F9: variants seen among roughly 807,000 people sequenced by gnomAD.
F9 encodes the protein coagulation factor IX, also known as Christmas factor.
A neutral mutation model predicts 34.1 loss-of-function variants in F9; 2 were observed. The ratio of observed to expected loss-of-function variants is 0.06; its 90% CI spans 0.02 to 0.18. F9 has a LOEUF of 0.18. F9 is among the 10% of genes least tolerant of loss of function. The probability of loss-of-function intolerance (pLI) is 1.00; values close to 1 mark genes in which losing one functional copy is unlikely to be tolerated. For synonymous variants in F9, 137 were observed against 118.8 expected (o/e 1.15, Z -1.00); for missense variants, 216 against 345.1 (o/e 0.63, Z 2.96).
intron 4 of F9, among the ~76,000 whole-genome samples, chrX:139,546,530 T>C (rs764847302): frequency 1.8e-5 from 2 of 111,715 alleles, no homozygotes; most frequent in East Asian, 2.8e-4. Context: ...TTGCTTTTTG[T>C]GTTCACTGAA....
chrX:139,559,036 T>G (rs1206201031), intron 6 of F9, among the ~76,000 whole-genome samples: 2 of 111,962 alleles, frequency 1.8e-5, no homozygotes, highest in Non-Finnish European at 3.8e-5. Flanking sequence ...AAACTTTAGC[T>G]CATGCATCTA....
At chrX:139,546,250 T>C (rs1927713977) in intron 4 of F9, among the ~76,000 whole-genome samples, 1 of 112,210 alleles carries the variant, frequency 8.9e-6, no homozygotes, top group Non-Finnish European at 1.9e-5. Flanking sequence ...ACAAAAGACA[T>C]AATCTCCTTC....
At chrX:139,535,774 G>A (rs1927445469) in intron 1 of F9, among the ~76,000 whole-genome samples, 1 of 111,524 alleles carries the variant, frequency 9.0e-6, no homozygotes. Flanking sequence ...TGTGTATACA[G>A]CCATGCATTC....
Position 139,562,140 on chromosome X carries a change from C to T in F9, c.*69C>T, listed in dbSNP as rs1417618903. The T allele has an allele frequency of 1.1e-6, 1 of 919,767 alleles. No individual in the cohort carries two copies. The highest frequency in any genetic ancestry group is 1.6e-6 in the Non-Finnish European group (1 of 639,537). 75.8% of individuals were successfully genotyped at this position (919,767 alleles called of 1,213,427 possible). A position where few individuals can be genotyped will look rare whatever the true frequency, so the allele number is the denominator to read the frequency against. On this transcript the variant is annotated 3_prime_UTR_variant, in exon 8 of 8. Transcript: ENST00000218099. ...AACAGGGCCTCTCACTAACTAATCACTTTCCCATCTTTTGTTAGATTTGAA... is the reference window on the plus strand; with the variant it reads ...AACAGGGCCTCTCACTAACTAATCATTTTCCCATCTTTTGTTAGATTTGAA...
chrX:139,543,785 G>A (rs1927656270), intron 4 of F9, among the ~76,000 whole-genome samples: 1 of 111,558 alleles, frequency 9.0e-6, no homozygotes, highest in Non-Finnish European at 1.9e-5. Context: ...AGATATTCTA[G>A]GCACTGAGAC....
intron 6 of F9, 42 bp from the exon 7 acceptor site, chrX:139,560,699 C>T (rs1182216090): frequency 1.1e-6 from 1 of 945,272 alleles, no homozygotes; most frequent in African/African-American, 1.9e-5. Context: ...TTTTCTAGAT[C>T]AAATGTATTA....
At chrX:139,541,024 G>A (rs1372109365) in intron 3 of F9, 52 bp from the exon 4 acceptor site, 37 of 919,485 alleles carry the variant, frequency 4.0e-5, no homozygotes, top group Middle Eastern at 2.8e-4. Context: ...GGGGAGGACC[G>A]GGCATTCTAA....
At chrX:139,549,885 A>C (rs1420125364) in intron 5 of F9, among the ~76,000 whole-genome samples, 1 of 112,277 alleles carries the variant, frequency 8.9e-6, no homozygotes, top group East Asian at 2.8e-4. Context: ...AGAATCTCTA[A>C]GGCTTCAGGG....
At chrX:139,543,577 A>G (rs1395396841) in intron 4 of F9, among the ~76,000 whole-genome samples, 1 of 112,500 alleles carries the variant, frequency 8.9e-6, no homozygotes, top group Non-Finnish European at 1.9e-5. Flanking sequence ...AGCACAGCAT[A>G]TTTTGTGGTA....
At chrX:139,541,463 T>C (rs1234720351) in intron 4 of F9, among the ~76,000 whole-genome samples, 1 of 111,839 alleles carries the variant, frequency 8.9e-6, no homozygotes, top group Non-Finnish European at 1.9e-5. Context: ...ACTATCATTA[T>C]GCGCATTCTA....
chrX:139,538,057 C>T (rs1455134525), intron 3 of F9, among the ~76,000 whole-genome samples: 1 of 111,829 alleles, frequency 8.9e-6, no homozygotes, highest in Non-Finnish European at 1.9e-5. Context: ...AGCCTTACCA[C>T]TCTAGACACC....
intron 6 of F9, among the ~76,000 whole-genome samples, chrX:139,557,156 G>GTT (rs1927987163): frequency 9.0e-6 from 1 of 111,676 alleles, no homozygotes; most frequent in African/African-American, 3.3e-5. Context: ...TAACAAAAAT[G>GTT]TTTGACAGAT....
Position 139,562,023 on chromosome X carries a change from G to C in F9, c.1338G>C (p.Lys446Asn), listed in dbSNP as rs1015621382. ...AAGGCAAATATGGAATATATACCAA[G>C]GTATCCCGGTATGTCAACTGGATTA... ...AMKGKYGIYT[K>N]VSRYVNWIKE... Residue 446 changes from lysine (K) to asparagine (N), a missense_variant, in exon 8 of 8, where the codon AAG (lysine) becomes AAC (asparagine). Around this residue, in one of 2 missense-constraint regions of F9, gnomAD observed 177 missense variants for 311.8 expected, o/e 0.57. Transcript: ENST00000218099. 1 of 1,210,735 alleles carries C rather than the reference G, an allele frequency of 8.3e-7. No individual in the cohort carries two copies. The highest frequency in any genetic ancestry group is 1.7e-5 in the African/African-American group (1 of 57,609).
At chrX:139,550,859 A>G (rs1189460702) in intron 5 of F9, among the ~76,000 whole-genome samples, 4 of 111,882 alleles carry the variant, frequency 3.6e-5, no homozygotes, top group Non-Finnish European at 3.8e-5. Context: ...TGTTCTTTTC[A>G]TGAAGGATTT....
chrX:139,561,478 A>G (rs1478167538), intron 7 of F9, 46 bp from the exon 8 acceptor site: 2 of 1,103,605 alleles, frequency 1.8e-6, no homozygotes, highest in South Asian at 3.9e-5. Context: ...AAATCTGTGT[A>G]TGTGAAATAC....
chrX:139,558,827 A>G (rs1048814526), intron 6 of F9, among the ~76,000 whole-genome samples: 6 of 111,938 alleles, frequency 5.4e-5, no homozygotes, highest in African/African-American at 1.6e-4. Flanking sequence ...CACCCACCAA[A>G]TATTCTGATA....
intron 6 of F9, among the ~76,000 whole-genome samples, chrX:139,551,630 A>G: frequency 9.0e-6 from 1 of 111,307 alleles, no homozygotes; most frequent in Non-Finnish European, 1.9e-5. Flanking sequence ...CTTTAGGCTA[A>G]GAAAAATTGG....
intron 6 of F9, among the ~76,000 whole-genome samples, chrX:139,555,236 G>A (rs1035283805): frequency 4.4e-5 from 5 of 112,520 alleles, no homozygotes; most frequent in Non-Finnish European, 9.4e-5. Context: ...CCCATTCAGG[G>A]AGAGGGCATT....
intron 7 of F9, 82 bp downstream of exon 7, chrX:139,560,937 A>G (rs974303832): frequency 1.3e-6 from 1 of 794,048 alleles, no homozygotes; most frequent in African/African-American, 2.0e-5. Context: ...CTAAGGTCTA[A>G]TAAAATTGTT....
Sources: gnomAD v4.1 joint callset for allele counts (sites outside exome capture counted in the v4.1 genomes callset) on GRCh38, gnomAD v4.1.1 for gene constraint, gnomAD v4.1.1 regional missense constraint, MANE v1.5 for transcripts, NCBI Gene and HGNC (gene_info 2026-07-23, HGNC 2026-07-21) for gene names.